The following NALCN variants were observed in gnomAD, a reference collection of about 807,000 sequenced individuals.
The protein encoded by NALCN is sodium leak channel NALCN.
Under a neutral mutation model 225.3 loss-of-function variants are expected in NALCN, and 111 were observed. The ratio of observed to expected loss-of-function variants is 0.49; its 90% confidence interval spans 0.42 to 0.58. The LOEUF is 0.58. Among genes scored for constraint, NALCN ranks in the 20% least tolerant of loss-of-function variants. The probability of loss-of-function intolerance (pLI) is 0.00; values close to 1 mark genes in which losing one functional copy is unlikely to be tolerated. For missense variants in NALCN, 1,378 were observed against 2,202.4 expected, an observed-to-expected ratio of 0.63 and a Z score of 7.49; for synonymous variants, 764 against 769.0, an observed-to-expected ratio of 0.99 and a Z score of 0.11.
At chr13:101,110,495 C>G in intron 20 of NALCN, 124 bp downstream of exon 20, 1 of 995,420 alleles carries the variant, frequency 1.0e-6, no homozygotes, top group Non-Finnish European at 1.5e-6. Flanking sequence ...CTGATTCCCT[C>G]TGGTATGAAG....
intron 14 of NALCN, 34 bp downstream of exon 14, chr13:101,191,883 C>G: frequency 6.3e-7 from 1 of 1,575,170 alleles, no homozygotes; most frequent in Non-Finnish European, 8.6e-7. Context: ...TTATAAATTC[C>G]AAGATATAAT....
At chr13:101,256,653 C>T (rs527491251) in intron 11 of NALCN, among the ~76,000 whole-genome samples, 14 of 152,104 alleles carry the variant, frequency 9.2e-5, no homozygotes, top group Non-Finnish European at 2.1e-4. Flanking sequence ...GCAGACCTTG[C>T]TTCCTACTTC....
chr13:101,201,682 C>T (rs752571024), intron 13 of NALCN, among the ~76,000 whole-genome samples: 6 of 151,868 alleles, frequency 4.0e-5, no homozygotes, highest in African/African-American at 9.7e-5. Context: ...TACTAAAATA[C>T]GTGTAAAATG....
intron 25 of NALCN, among the ~76,000 whole-genome samples, chr13:101,103,638 G>A (rs1307804157): frequency 6.6e-6 from 1 of 152,076 alleles, no homozygotes; most frequent in East Asian, 1.9e-4. Context: ...CACTGATGTC[G>A]ATCTGGCTGG....
Position 101,395,376 on chromosome 13 carries a change from G to T in NALCN, c.109-11C>A. The T allele has an allele frequency of 6.2e-7, 1 of 1,611,522 alleles. No individual in the cohort carries two copies. The highest frequency in any genetic ancestry group is 1.1e-5 in the South Asian group (1 of 90,634). On this transcript the variant is annotated splice_polypyrimidine_tract_variant and intron_variant, in intron 2 of 43. Coordinates refer to ENST00000251127, the MANE Select transcript of NALCN (RefSeq NM_052867.4). ...CAAAGAGTGAACCCACTGCAATGAT[G>T]GTCCAGAGTTACTACACGGCACCAT...
intron 2 of NALCN, among the ~76,000 whole-genome samples, chr13:101,396,283 C>T (rs2047291547): frequency 6.6e-6 from 1 of 152,126 alleles, no homozygotes; most frequent in East Asian, 1.9e-4. Flanking sequence ...TACTTAACTG[C>T]ATCTCCATGC....
chr13:101,076,765 T>C (rs1402518293), intron 34 of NALCN, among the ~76,000 whole-genome samples: 1 of 152,212 alleles, frequency 6.6e-6, no homozygotes, highest in Non-Finnish European at 1.5e-5. Context: ...AAAGAGGTTC[T>C]TGGAGAAGAA....
At chr13:101,375,607 T>C (rs998410552) in intron 6 of NALCN, among the ~76,000 whole-genome samples, 9 of 152,224 alleles carry the variant, frequency 5.9e-5, no homozygotes, top group African/African-American at 2.2e-4. Flanking sequence ...TGAAGATGAA[T>C]GGCTGCTTGT....
chr13:101,078,558 T>A (rs975402594), intron 34 of NALCN, among the ~76,000 whole-genome samples: 4 of 152,208 alleles, frequency 2.6e-5, no homozygotes, highest in Non-Finnish European at 5.9e-5. Flanking sequence ...ATAGCCCCTT[T>A]GTTTTGGCCA....
chr13:101,330,201 A>T (rs1193849177), intron 7 of NALCN, among the ~76,000 whole-genome samples: 1 of 152,082 alleles, frequency 6.6e-6, no homozygotes, highest in Non-Finnish European at 1.5e-5. Flanking sequence ...GATAAAAGAG[A>T]GTAAGTTTTG....
At chr13:101,204,753 T>A (rs2040249918) in intron 13 of NALCN, among the ~76,000 whole-genome samples, 1 of 152,186 alleles carries the variant, frequency 6.6e-6, no homozygotes, top group Non-Finnish European at 1.5e-5. Context: ...AACTTTTATG[T>A]ATTATACCAT....
chr13:101,145,590 C>T (rs1466075305), intron 15 of NALCN, among the ~76,000 whole-genome samples: 1 of 152,162 alleles, frequency 6.6e-6, no homozygotes, highest in Non-Finnish European at 1.5e-5. Flanking sequence ...ACATCATAAA[C>T]TGGAACAAGG....
At chr13:101,195,800 C>T (rs181203707) in intron 13 of NALCN, among the ~76,000 whole-genome samples, 31 of 152,280 alleles carry the variant, frequency 2.0e-4, no homozygotes, top group East Asian at 9.7e-4. Flanking sequence ...AGACTTGACC[C>T]CTTCCAGTGT....
Position 101,082,964 on chromosome 13 carries a change from A to G in NALCN, c.3691-81T>C, listed in dbSNP as rs17484482. On this transcript the variant is annotated intron_variant, in intron 32 of 43. Coordinates refer to ENST00000251127, the MANE Select transcript of NALCN (RefSeq NM_052867.4). ...TTGCCCCTCTTCTGCCCACTTTGCC[A>G]TTGACAGTGAATCTTAATTTTTACA... 29,026 of 1,577,684 alleles carry G rather than the reference A, an allele frequency of 0.018. 341 individuals carry two copies. The highest frequency in any genetic ancestry group is 0.026 in the South Asian group (2,295 of 89,896).
chr13:101,105,140 G>C (rs1179628662), intron 22 of NALCN, among the ~76,000 whole-genome samples, 190 bp from the exon 23 acceptor site: 1 of 152,084 alleles, frequency 6.6e-6, no homozygotes, highest in African/African-American at 2.4e-5. Context: ...AAAATCCAAA[G>C]AATTTGCAGT....
At position 101,179,400 on chromosome 13, in the gene NALCN, A is replaced by T. The variant is rs2039099706; in HGVS notation, c.1765-3026T>A. ...AAAATATACAGACATAAAATTAGTT[A>T]TGCAAAGCTAAAATAAATTTCTTGG... is the stretch of plus-strand genomic sequence containing the variant. On this transcript the variant is annotated intron_variant, in intron 14 of 43. Transcript: ENST00000251127. 2.0e-5 allele frequency among the ~76,000 whole-genome samples: 3 copies of T among 152,224 alleles called. No individual in the cohort carries two copies. The South Asian group carries it at 6.2e-4, about 31-fold the overall frequency.
intron 9 of NALCN, among the ~76,000 whole-genome samples, chr13:101,285,458 C>G (rs1270923434): frequency 2.0e-5 from 3 of 150,666 alleles, no homozygotes; most frequent in Admixed American, 2.0e-4. Context: ...CGCCACAATG[C>G]CCAACTAATT....
intron 37 of NALCN, among the ~76,000 whole-genome samples, chr13:101,072,502 G>A (rs1411008591): frequency 6.6e-6 from 1 of 152,186 alleles, no homozygotes; most frequent in African/African-American, 2.4e-5. Context: ...TTCTCAGCCA[G>A]ATAAACTAGC....
At chr13:101,388,491 G>T (rs535896743) in intron 3 of NALCN, among the ~76,000 whole-genome samples, 1 of 152,016 alleles carries the variant, frequency 6.6e-6, no homozygotes, top group African/African-American at 2.4e-5. Flanking sequence ...TGAAAATACT[G>T]GAAATGGCTA....
Sources: gnomAD v4.1 joint callset for allele counts (sites outside exome capture counted in the v4.1 genomes callset) on GRCh38, gnomAD v4.1.1 for gene constraint, MANE v1.5 for transcripts, NCBI Gene and HGNC (gene_info 2026-07-23, HGNC 2026-07-21) for gene names.